SLCO6A1: variants seen among roughly 807,000 people sequenced by gnomAD.
SLCO6A1 encodes solute carrier organic anion transporter family member 6A1.
A neutral mutation model predicts 72.7 loss-of-function variants in SLCO6A1; 65 were observed. The ratio of observed to expected loss-of-function variants is 0.89; its 90% confidence interval spans 0.73 to 1.10. SLCO6A1 has a LOEUF of 1.10. SLCO6A1 is among the 50% of genes least tolerant of loss of function. SLCO6A1 has a pLI of 0.00. For missense variants in SLCO6A1, 874 were observed against 872.6 expected (o/e 1.00, Z -0.02); for synonymous variants, 314 against 298.2 (o/e 1.05, Z -0.55).
At chr5:102,420,686 T>G (rs530254439) in intron 7 of SLCO6A1, among the ~76,000 whole-genome samples, 1 of 151,904 alleles carries the variant, frequency 6.6e-6, no homozygotes, top group African/African-American at 2.4e-5. Context: ...AATCCAAATA[T>G]ATAATACTGT....
intron 9 of SLCO6A1, among the ~76,000 whole-genome samples, chr5:102,409,447 T>C (rs544704964): frequency 6.6e-6 from 1 of 152,156 alleles, no homozygotes; most frequent in East Asian, 1.9e-4. Context: ...TGATCATTTT[T>C]TGTATAGTGT....
intron 12 of SLCO6A1, among the ~76,000 whole-genome samples, chr5:102,376,001 C>T (rs760148072): frequency 3.9e-5 from 6 of 152,020 alleles, no homozygotes; most frequent in Non-Finnish European, 5.9e-5. Context: ...ACATTGTAGT[C>T]AATTTAACAA....
chr5:102,470,831 A>C (rs1364836083), intron 4 of SLCO6A1, among the ~76,000 whole-genome samples: 1 of 152,062 alleles, frequency 6.6e-6, no homozygotes, highest in Non-Finnish European at 1.5e-5. Context: ...AAGGCCTCTC[A>C]GCCATGGAAT....
chr5:102,388,126 CT>C (rs1746516429), intron 12 of SLCO6A1, among the ~76,000 whole-genome samples: 1 of 152,018 alleles, frequency 6.6e-6, no homozygotes, highest in Non-Finnish European at 1.5e-5. Flanking sequence ...ATTTAACCAA[CT>C]TTTACTGTGG....
chr5:102,484,702 A>G (rs1752363483), intron 1 of SLCO6A1, among the ~76,000 whole-genome samples: 1 of 152,130 alleles, frequency 6.6e-6, no homozygotes, highest in African/African-American at 2.4e-5. Context: ...CTTTTATTAC[A>G]TTGGTGAAGC....
intron 1 of SLCO6A1, among the ~76,000 whole-genome samples, chr5:102,497,014 A>C (rs1337857538): frequency 6.6e-6 from 1 of 152,218 alleles, no homozygotes; most frequent in Non-Finnish European, 1.5e-5. Flanking sequence ...ACAATTTATT[A>C]GTTTTTCTAG....
chr5:102,393,200 A>G (rs1161871932), intron 10 of SLCO6A1, among the ~76,000 whole-genome samples: 1 of 152,176 alleles, frequency 6.6e-6, no homozygotes. Context: ...TAAGAACGAA[A>G]GTGATATTTT....
Position 102,373,411 on chromosome 5 carries a change from A to C in SLCO6A1, c.2101T>G (p.Phe701Val), listed in dbSNP as rs1264745865. Residue 701 changes from phenylalanine (F) to valine (V), a missense_variant, in exon 13 of 14, where the codon TTC becomes GTC. Coordinates refer to ENST00000506729, the MANE Select transcript of SLCO6A1 (RefSeq NM_173488.5). ...YKRRLNENTDFPDVTVKNPKV... is the reference protein window; with the variant it reads ...YKRRLNENTDVPDVTVKNPKV... Reference sequence around the variant, plus strand: ...GGATTCTTCACAGTTACATCTGGGAAGTCAGTGTTCTCATTTAGACGACGT... The same window carrying C: ...GGATTCTTCACAGTTACATCTGGGACGTCAGTGTTCTCATTTAGACGACGT... 2.5e-6 allele frequency: 4 copies of C among 1,584,054 alleles called. No individual in the cohort carries two copies. The highest frequency in any genetic ancestry group is 2.6e-6 in the Non-Finnish European group (3 of 1,167,514).
At chr5:102,389,723 T>C in intron 11 of SLCO6A1, among the ~76,000 whole-genome samples, 1 of 152,106 alleles carries the variant, frequency 6.6e-6, no homozygotes, top group Non-Finnish European at 1.5e-5. Flanking sequence ...CTTTGTAACA[T>C]TAACTCCAAA....
At chr5:102,427,563 A>G (rs572055450) in intron 7 of SLCO6A1, among the ~76,000 whole-genome samples, 1 of 152,216 alleles carries the variant, frequency 6.6e-6, no homozygotes, top group African/African-American at 2.4e-5. Flanking sequence ...AAGGTCATCA[A>G]AAACAAGGAA....
intron 12 of SLCO6A1, among the ~76,000 whole-genome samples, chr5:102,377,923 C>G (rs1048056326): frequency 2.0e-5 from 3 of 148,368 alleles, no homozygotes; most frequent in Non-Finnish European, 4.5e-5. Flanking sequence ...TAATAAAGAA[C>G]AAAATAGTTT....
chr5:102,452,320 T>C (rs1284653786), intron 6 of SLCO6A1, among the ~76,000 whole-genome samples: 2 of 152,182 alleles, frequency 1.3e-5, no homozygotes, highest in Admixed American at 1.3e-4. Context: ...TTTTTTTGCT[T>C]TTTGCTTTTC....
At chr5:102,391,364 T>C (rs1746749014) in intron 10 of SLCO6A1, 1 of 272,752 alleles carries the variant, frequency 3.7e-6, no homozygotes, top group African/African-American at 2.2e-5. Flanking sequence ...CGGTTTTCAT[T>C]CTATCATGTA....
intron 6 of SLCO6A1, among the ~76,000 whole-genome samples, chr5:102,456,417 A>G (rs1750719541): frequency 6.6e-6 from 1 of 152,232 alleles, no homozygotes; most frequent in Non-Finnish European, 1.5e-5. Flanking sequence ...GTCTCAGGAT[A>G]CAAAATCAAT....
At chr5:102,424,293 G>A (rs1256695616) in intron 7 of SLCO6A1, among the ~76,000 whole-genome samples, 2 of 152,022 alleles carry the variant, frequency 1.3e-5, no homozygotes, top group Admixed American at 6.6e-5. Flanking sequence ...GAAGGAGACA[G>A]AGACACAAAA....
At chr5:102,426,734 GA>G (rs1445257709) in intron 7 of SLCO6A1, among the ~76,000 whole-genome samples, 1 of 152,040 alleles carries the variant, frequency 6.6e-6, no homozygotes, top group Non-Finnish European at 1.5e-5. Context: ...GTCTACACCA[GA>G]AATACTATTT....
intron 6 of SLCO6A1, among the ~76,000 whole-genome samples, chr5:102,447,861 T>A (rs893756267): frequency 6.6e-6 from 1 of 152,194 alleles, no homozygotes; most frequent in South Asian, 2.1e-4. Context: ...GTTTTTCTCA[T>A]CTGCGTTTTG....
Position 102,468,334 on chromosome 5 carries a change from A to G in SLCO6A1, c.899+7363T>C, listed in dbSNP as rs138075867. On this transcript the variant is annotated intron_variant, in intron 4 of 13. Coordinates refer to ENST00000506729, the MANE Select transcript of SLCO6A1 (RefSeq NM_173488.5). ...TTTTGGGGTAGAATGTTCTGTAAAT[A>G]TCTGTTAAGTCCATTTGTTCTAGGG... Among the ~76,000 whole-genome samples the G allele has an allele frequency of 8.3e-3, 1,257 of 152,172 alleles. 12 individuals are homozygous for G. Among genetic ancestry groups the G allele is most frequent in the Non-Finnish European group, 0.015 (1,008 of 67,984 alleles).
At chr5:102,377,263 T>C (rs114689864) in intron 12 of SLCO6A1, among the ~76,000 whole-genome samples, 2,730 of 152,266 alleles carry the variant, frequency 0.018, 24 homozygotes, top group Non-Finnish European at 0.019. Flanking sequence ...TGTAGCATAT[T>C]CACAAATTGA....
Sources: gnomAD v4.1 joint callset for allele counts (sites outside exome capture counted in the v4.1 genomes callset) on GRCh38, gnomAD v4.1.1 for gene constraint, MANE v1.5 for transcripts, NCBI Gene and HGNC (gene_info 2026-07-23, HGNC 2026-07-21) for gene names.